ALX4: variants seen among roughly 807,000 people sequenced by gnomAD.
ALX4 encodes ALX homeobox 4.
A neutral mutation model predicts 40.6 loss-of-function variants in ALX4; 22 were observed. The observed-to-expected ratio is 0.54, with a 90% CI of 0.39 to 0.77. ALX4 has a LOEUF of 0.77. Ranked by LOEUF, ALX4 falls within the 30% of genes least tolerant of loss-of-function variation. The pLI is 0.00. For missense variants in ALX4, 556 were observed against 564.8 expected, an observed-to-expected ratio of 0.98 and a Z score of 0.16; for synonymous variants, 266 against 240.5, an observed-to-expected ratio of 1.11 and a Z score of -0.98.
chr11:44,275,692 G>A (rs1172845044), intron 1 of ALX4, 34 bp from the exon 2 acceptor site: 1 of 1,603,246 alleles, frequency 6.2e-7, no homozygotes, highest in African/African-American at 1.3e-5. Flanking sequence ...AGAAACCAAT[G>A]GTTGAACCAA....
At chr11:44,307,154 A>T (rs1956473585) in intron 1 of ALX4, among the ~76,000 whole-genome samples, 1 of 151,546 alleles carries the variant, frequency 6.6e-6, no homozygotes, top group Non-Finnish European at 1.5e-5. Context: ...ATAGGGATGG[A>T]AATGTGGGTG....
rs886048294 is a variant in ALX4, at chr11:44,262,423, G to A, written c.*2431C>T. 2.6e-5 allele frequency: 4 copies of A among 152,248 alleles called. No individual in the cohort carries two copies. Among genetic ancestry groups the A allele is most frequent in the African/African-American group, 9.6e-5 (4 of 41,456 alleles). 9.4% of individuals were successfully genotyped at this position (152,248 alleles called of 1,614,324 possible). A position where few individuals can be genotyped will look rare whatever the true frequency, so the allele number is the denominator to read the frequency against. On this transcript the variant is annotated 3_prime_UTR_variant, in exon 4 of 4. Coordinates refer to ENST00000652299, the MANE Select transcript of ALX4 (RefSeq NM_021926.4). Reference sequence around the variant, plus strand: ...ATCCTAGACACTTCCTGGGTGTGTTGGGACAGGCAGCCATAGCCACAGAGT... The same window carrying A: ...ATCCTAGACACTTCCTGGGTGTGTTAGGACAGGCAGCCATAGCCACAGAGT...
intron 1 of ALX4, among the ~76,000 whole-genome samples, chr11:44,283,001 T>G (rs1299709183): frequency 6.6e-6 from 1 of 152,200 alleles, no homozygotes; most frequent in Non-Finnish European, 1.5e-5. Context: ...CTTAGCACTT[T>G]GAGAGGCAGA....
At chr11:44,298,660 T>C (rs1022027678) in intron 1 of ALX4, among the ~76,000 whole-genome samples, 1 of 151,968 alleles carries the variant, frequency 6.6e-6, no homozygotes, top group African/African-American at 2.4e-5. Context: ...CTGTGGCCAG[T>C]GGGGTGAGAC....
At chr11:44,279,254 C>G (rs188956569) in intron 1 of ALX4, among the ~76,000 whole-genome samples, 4 of 152,314 alleles carry the variant, frequency 2.6e-5, no homozygotes, top group African/African-American at 9.6e-5. Flanking sequence ...AACCCCCCAG[C>G]GCCCTTCCCC....
At chr11:44,293,155 GGAAGGAAGGAAGGAA>G (rs1341427730) in intron 1 of ALX4, among the ~76,000 whole-genome samples, 6,044 of 81,910 alleles carry the variant, frequency 0.074, 806 homozygotes, top group African/African-American at 0.1. Context: ...AAGGAAGGAA[GGAAGGAAGGAAGGAA>G]GCAGGCAGGC....
chr11:44,303,093 T>C (rs568648334), intron 1 of ALX4, among the ~76,000 whole-genome samples: 169 of 152,254 alleles, frequency 1.1e-3, no homozygotes, highest in African/African-American at 3.3e-3. Flanking sequence ...GACATCAGTG[T>C]CATGGTCCAA....
rs188685800 is a variant in ALX4 at position 44,272,134 on chromosome 11, G to A, written c.777+3214C>T. Among the ~76,000 whole-genome samples, 104 of 152,278 alleles carry A rather than the reference G, an allele frequency of 6.8e-4. 1 individual carries two copies. Among genetic ancestry groups the A allele is most frequent in the Non-Finnish European group, 1.2e-3 (85 of 68,016 alleles). On this transcript the variant is annotated intron_variant, in intron 2 of 3. Transcript: ENST00000652299. ...ATTCAAGTGAGATCTGGGTGTGTGAGGGCTTCTGGATTCACAGGAAAGCCC... is the reference window on the plus strand; with the variant it reads ...ATTCAAGTGAGATCTGGGTGTGTGAAGGCTTCTGGATTCACAGGAAAGCCC...
chr11:44,309,192 A>AGCCCCGCAGCCCCGCAGCCCCGCC, intron 1 of ALX4, among the ~76,000 whole-genome samples: 1 of 146,836 alleles, frequency 6.8e-6, no homozygotes, highest in African/African-American at 2.6e-5. Flanking sequence ...GCAGCCCCGC[A>AGCCCCGCAGCCCCGCAGCCCCGCC]GCCCCGCAGC....
At chr11:44,281,885 C>G (rs867760210) in intron 1 of ALX4, among the ~76,000 whole-genome samples, 1 of 152,152 alleles carries the variant, frequency 6.6e-6, no homozygotes, top group Non-Finnish European at 1.5e-5. Flanking sequence ...GACAGTGTCC[C>G]GGCCCTCAAG....
At chr11:44,294,188 T>G (rs1376966602) in intron 1 of ALX4, among the ~76,000 whole-genome samples, 1 of 152,202 alleles carries the variant, frequency 6.6e-6, no homozygotes, top group Non-Finnish European at 1.5e-5. Flanking sequence ...ATCTTCAAAT[T>G]GAGGATACTA....
At chr11:44,284,132 T>C (rs539065467) in intron 1 of ALX4, among the ~76,000 whole-genome samples, 1 of 151,414 alleles carries the variant, frequency 6.6e-6, no homozygotes, top group South Asian at 2.1e-4. Context: ...AGGAAGGGAG[T>C]GGAGCATTTG....
At position 44,275,546 on chromosome 11, in the gene ALX4, C is replaced by T; in HGVS notation, c.579G>A (p.Arg193=). ...ATGGGCTGGGGAGGTCTGAGCTGGC[C>T]CGGTCCTGGGGCCCCTTCACCCCAG... is the stretch of plus-strand genomic sequence containing the variant. ...KEAGVKGPQD[R]ASSDLPSPLE... Residue 193 remains arginine (R), a synonymous_variant, in exon 2 of 4, where the codon CGG becomes CGA. Transcript: ENST00000652299. The T allele has an allele frequency of 6.2e-7, 1 of 1,614,166 alleles. No individual in the cohort carries two copies. Among genetic ancestry groups the T allele is most frequent in the Admixed American group, 1.7e-5 (1 of 60,018 alleles).
In ALX4 at chr11:44,309,734, TGCTGCTGCGGCTGCGGCTGCGGCGGCG is replaced by T. The variant is rs1229318383; in HGVS notation, c.302_328del (p.Pro101_Gln109del). The T allele has an allele frequency of 1.9e-6, 3 of 1,557,266 alleles. No individual in the cohort carries two copies. The highest frequency in any genetic ancestry group is 2.6e-6 in the Non-Finnish European group (3 of 1,151,912). On this transcript the variant is annotated inframe_deletion, in exon 1 of 4. Coordinates refer to ENST00000652299, the MANE Select transcript of ALX4 (RefSeq NM_021926.4). ...CGCGGGCGGCTGGGGCTGCGGCTGCTGCTGCTGCGGCTGCGGCTGCGGCGGCGGCTGGGGCTGCGGGGTCGACGGCTG... is the reference window on the plus strand; with the variant it reads ...CGCGGGCGGCTGGGGCTGCGGCTGCTGCTGGGGCTGCGGGGTCGACGGCTG...
Position 44,309,734 on chromosome 11 carries a change from TGCTGCTGCG to T in ALX4, c.320_328del (p.Pro107_Gln109del). On this transcript the variant is annotated inframe_deletion, in exon 1 of 4. Coordinates refer to ENST00000652299, the MANE Select transcript of ALX4 (RefSeq NM_021926.4). ...CGCGGGCGGCTGGGGCTGCGGCTGC[TGCTGCTGCG>T]GCTGCGGCTGCGGCGGCGGCTGGGG... 1 of 1,557,378 alleles carries T rather than the reference TGCTGCTGCG, an allele frequency of 6.4e-7. No homozygotes were observed. Among genetic ancestry groups the T allele is most frequent in the South Asian group, 1.2e-5 (1 of 85,360 alleles).
intron 3 of ALX4, among the ~76,000 whole-genome samples, chr11:44,267,252 C>T (rs142838783): frequency 1.7e-4 from 26 of 152,280 alleles, no homozygotes; most frequent in South Asian, 6.2e-4. Flanking sequence ...AGGAAAGAGC[C>T]GTTCTCACTG....
intron 1 of ALX4, among the ~76,000 whole-genome samples, chr11:44,284,073 T>A (rs1254678484): frequency 6.6e-6 from 1 of 152,142 alleles, no homozygotes; most frequent in African/African-American, 2.4e-5. Context: ...TTTTAACACA[T>A]GCAAAGATGT....
intron 1 of ALX4, among the ~76,000 whole-genome samples, chr11:44,290,126 C>A (rs943175802): frequency 1.3e-5 from 2 of 152,224 alleles, no homozygotes; most frequent in African/African-American, 4.8e-5. Flanking sequence ...CCCCCTAAAC[C>A]ATGTGGCCCT....
chr11:44,283,656 T>C, intron 1 of ALX4, among the ~76,000 whole-genome samples: 1 of 152,160 alleles, frequency 6.6e-6, no homozygotes, highest in Admixed American at 6.5e-5. Context: ...CCTCACCTCC[T>C]AGATTCAAAC....
Sources: allele counts gnomAD v4.1 joint callset (sites outside exome capture counted in the v4.1 genomes callset), GRCh38; gene constraint gnomAD v4.1.1; transcripts MANE v1.5; gene names NCBI Gene and HGNC (gene_info 2026-07-23, HGNC 2026-07-21).